LAMP5: variants seen among roughly 807,000 people sequenced by gnomAD.
The protein encoded by LAMP5 is lysosome associated membrane protein 5, also known as lysosome-associated membrane glycoprotein 5.
A neutral mutation model predicts 30.2 loss-of-function variants in LAMP5; 36 were observed. The ratio of observed to expected loss-of-function variants is 1.19; its 90% CI spans 0.91 to 1.57. The LOEUF (loss-of-function observed/expected upper bound fraction) is 1.57, where lower values mean the gene tolerates loss of function less well. LAMP5 is among the 40% of genes most tolerant of loss of function. The probability of loss-of-function intolerance (pLI) is 0.00; values close to 1 mark genes in which losing one functional copy is unlikely to be tolerated. For missense variants in LAMP5, 377 were observed against 354.9 expected, an observed-to-expected ratio of 1.06 and a Z score of -0.50; for synonymous variants, 149 against 134.6, an observed-to-expected ratio of 1.11 and a Z score of -0.74.
Position 9,530,209 on chromosome 20 carries a change from G to T in LAMP5, c.*389G>T. 1 of 178,756 alleles carries T rather than the reference G, an allele frequency of 5.6e-6. No individual in the cohort carries two copies. The highest frequency in any genetic ancestry group is 1.3e-4 in the East Asian group (1 of 7,464). 11.1% of individuals were successfully genotyped at this position (178,756 alleles called of 1,614,324 possible). On this transcript the variant is annotated 3_prime_UTR_variant, in exon 6 of 6. Coordinates refer to ENST00000246070, the MANE Select transcript of LAMP5 (RefSeq NM_012261.4). ...CCCCTTTAGGTTCAGAAGAATATGG[G>T]GTGCTTTGCTCCCTTGGACACAGCT...
chr20:9,515,327 G>C, intron 1 of LAMP5, 126 bp from the exon 2 acceptor site: 1 of 782,940 alleles, frequency 1.3e-6, no homozygotes, highest in Non-Finnish European at 2.0e-6. Context: ...ACGGCTCGTA[G>C]AGCGCACAGC....
chr20:9,517,880 A>T (rs866066318), intron 4 of LAMP5, among the ~76,000 whole-genome samples, 160 bp from the exon 5 acceptor site: 1 of 152,196 alleles, frequency 6.6e-6, no homozygotes, highest in Non-Finnish European at 1.5e-5. Flanking sequence ...TTTGTCCTTC[A>T]TCACCACTTG....
chr20:9,520,314 G>A (rs562281188), intron 5 of LAMP5, among the ~76,000 whole-genome samples: 1 of 152,350 alleles, frequency 6.6e-6, no homozygotes, highest in Admixed American at 6.5e-5. Flanking sequence ...TTGTGTGGCT[G>A]CGTTTTTTTG....
In LAMP5 at chr20:9,530,078, C is replaced by T; in HGVS notation, c.*258C>T. On this transcript the variant is annotated 3_prime_UTR_variant, in exon 6 of 6. Transcript: ENST00000246070. ...AGGAGGGTCTCAGACAGCTTTCGTG[C>T]TCATGGTGGCTTGGCTTTGACTCTC... 6.0e-6 allele frequency: 2 copies of T among 333,302 alleles called. No homozygotes were observed. The highest frequency in any genetic ancestry group is 2.0e-5 in the African/African-American group (1 of 48,796). The allele number at this position is 333,302 out of a possible 1,614,324, so 20.6% of individuals were successfully genotyped here.
Position 9,529,892 on chromosome 20 carries a change from CA to C in LAMP5, c.*73del. The C allele has an allele frequency of 1.4e-6, 2 of 1,454,706 alleles. No homozygotes were observed. The highest frequency in any genetic ancestry group is 1.9e-6 in the Non-Finnish European group (2 of 1,050,214). 90.1% of individuals were successfully genotyped at this position (1,454,706 alleles called of 1,614,324 possible). A position where few individuals can be genotyped will look rare whatever the true frequency, so the allele number is the denominator to read the frequency against. On this transcript the variant is annotated 3_prime_UTR_variant, in exon 6 of 6. Transcript: ENST00000246070. ...AGGTAGAACAACAAAAGCACTTTTC[CA>C]TCTTGTACACGAGATACACCAACAT...
At chr20:9,526,268 A>C (rs185399481) in intron 5 of LAMP5, among the ~76,000 whole-genome samples, 1 of 152,324 alleles carries the variant, frequency 6.6e-6, no homozygotes, top group African/African-American at 2.4e-5. Context: ...TAATATTTTA[A>C]AATTTTTAAA....
Position 9,516,329 on chromosome 20 carries a change from C to A in LAMP5, c.443C>A (p.Ser148Ter). The A allele has an allele frequency of 6.2e-7, 1 of 1,614,088 alleles. No individual in the cohort carries two copies. The highest frequency in any genetic ancestry group is 1.1e-5 in the South Asian group (1 of 91,078). Residue 148 changes from serine (S) to a stop codon, truncating the protein, a stop_gained, in exon 4 of 6, where the codon TCG becomes TAG. Coordinates refer to ENST00000246070, the MANE Select transcript of LAMP5 (RefSeq NM_012261.4). LOFTEE classifies it high-confidence loss of function. The stretch of plus-strand genomic sequence containing the variant: ...AAAGTGCAGTTTGTCTACGACTCCT[C>A]GGAGAAAACCCACTTCAAAGACGCA... Reference protein sequence around the residue: ...LSKVQFVYDSSEKTHFKDAVS... With the variant: ...LSKVQFVYDS
At chr20:9,520,594 TG>T (rs1183743985) in intron 5 of LAMP5, among the ~76,000 whole-genome samples, 4 of 151,890 alleles carry the variant, frequency 2.6e-5, no homozygotes, top group African/African-American at 9.7e-5. Context: ...TGTGTGTGTG[TG>T]TGTGTGTGTG....
chr20:9,515,869 C>T (rs946766213), intron 2 of LAMP5, 131 bp from the exon 3 acceptor site: 1 of 1,143,644 alleles, frequency 8.7e-7, no homozygotes, highest in Non-Finnish European at 1.2e-6. Context: ...ACCGCATGTT[C>T]CCGGAACCTG....
intron 5 of LAMP5, among the ~76,000 whole-genome samples, chr20:9,522,767 A>G (rs367761251): frequency 6.6e-6 from 1 of 152,274 alleles, no homozygotes. Flanking sequence ...CTGTTGGGAT[A>G]TATGGGACTG....
At chr20:9,526,185 T>TA (rs2045111156) in intron 5 of LAMP5, among the ~76,000 whole-genome samples, 1 of 152,238 alleles carries the variant, frequency 6.6e-6, no homozygotes, top group Non-Finnish European at 1.5e-5. Context: ...TGAGATAATT[T>TA]ATTTTTTATT....
At chr20:9,515,379 T>C (rs1603166452) in intron 1 of LAMP5, 74 bp from the exon 2 acceptor site, 3 of 1,432,556 alleles carry the variant, frequency 2.1e-6, no homozygotes, top group Non-Finnish European at 2.9e-6. Context: ...TGCAGAGCAC[T>C]GTCTCCCCAC....
At position 9,514,736 on chromosome 20, in the gene LAMP5, C is replaced by G. The variant is rs377713183; in HGVS notation, c.-117C>G. On this transcript the variant is annotated 5_prime_UTR_variant, in exon 1 of 6. Coordinates refer to ENST00000246070, the MANE Select transcript of LAMP5 (RefSeq NM_012261.4). ...ACAGAATACGCGCTCCCTCCCTCCC[C>G]CTTCTCTGTCCCCCGCCTCTCGCTC... The G allele has an allele frequency of 1.8e-4, 158 of 871,974 alleles. 2 individuals are homozygous for G. Among genetic ancestry groups the G allele is most frequent in the Non-Finnish European group, 7.6e-5 (41 of 539,940 alleles). The allele number at this position is 871,974 out of a possible 1,614,324, so 54.0% of individuals were successfully genotyped here.
At chr20:9,527,298 A>G (rs1045323069) in intron 5 of LAMP5, among the ~76,000 whole-genome samples, 1 of 152,170 alleles carries the variant, frequency 6.6e-6, no homozygotes, top group East Asian at 1.9e-4. Flanking sequence ...TGACTTGATT[A>G]CCTTATGTGT....
At chr20:9,516,434 A>G in intron 4 of LAMP5, 73 bp downstream of exon 4, 9 of 1,282,542 alleles carry the variant, frequency 7.0e-6, no homozygotes, top group Non-Finnish European at 1.0e-5. Context: ...AGAATTCCTC[A>G]AGGTTTTGGA....
intron 1 of LAMP5, 137 bp downstream of exon 1, chr20:9,515,053 A>G: frequency 1.2e-6 from 1 of 801,212 alleles, no homozygotes. Flanking sequence ...TTTTTCTTTT[A>G]GGGGAGGAGG....
rs749906296 is a variant in LAMP5, at chr20:9,518,085, C to T, written c.521C>T (p.Thr174Ile). ...ANSHHLSALVTPAGKSYECQA... is the reference protein window; with the variant it reads ...ANSHHLSALVIPAGKSYECQA... ...TCGCACCACCTCTCTGCCTTGGTCA[C>T]CCCCGCTGGGAAGTCCTATGAGTGT... Residue 174 changes from threonine to isoleucine, a missense_variant, in exon 5 of 6, where the codon ACC becomes ATC. Physicochemically the swap from Thr to Ile is moderately conservative, Grantham distance 89. Coordinates refer to ENST00000246070, the MANE Select transcript of LAMP5 (RefSeq NM_012261.4). 4 of 1,614,124 alleles carry T rather than the reference C, an allele frequency of 2.5e-6. No homozygotes were observed. The highest frequency in any genetic ancestry group is 2.2e-5 in the East Asian group (1 of 44,872).
intron 4 of LAMP5, 119 bp from the exon 5 acceptor site, chr20:9,517,921 G>T: frequency 1.2e-6 from 1 of 804,106 alleles, no homozygotes; most frequent in Non-Finnish European, 2.0e-6. Flanking sequence ...GCCCTGGCAA[G>T]GGAACAGAGA....
chr20:9,515,959 G>A (rs754055183), intron 2 of LAMP5, 41 bp from the exon 3 acceptor site: 5 of 1,465,278 alleles, frequency 3.4e-6, no homozygotes, highest in Non-Finnish European at 4.5e-6. Flanking sequence ...CCGCCCCGGG[G>A]CCGGGCGAGC....
Sources: gnomAD v4.1 joint callset for allele counts (sites outside exome capture counted in the v4.1 genomes callset) on GRCh38, gnomAD v4.1.1 for gene constraint, MANE v1.5 for transcripts, NCBI Gene and HGNC (gene_info 2026-07-23, HGNC 2026-07-21) for gene names.